Variants in BMAL2 observed in about 807,000 individuals in gnomAD.
BMAL2 encodes the protein basic helix-loop-helix ARNT-like protein 2.
the BMAL2 span, among the ~76,000 whole-genome samples, chr12:27,349,045 G>A: frequency 1.7e-4 from 26 of 152,308 alleles, no homozygotes; most frequent in African/African-American, 6.0e-4. Context: ...TATAAACTGA[G>A]TAAACCTGCT....
the BMAL2 span, among the ~76,000 whole-genome samples, chr12:27,420,019 G>GCGCGCGCGCGCACACACACACACACA: frequency 8.1e-5 from 12 of 147,476 alleles, no homozygotes; most frequent in African/African-American, 3.0e-4. Flanking sequence ...GTTTGCGCGT[G>GCGCGCGCGCGCACACACACACACACA]CACACACACA....
chr12:27,334,395 A>G, the BMAL2 span, among the ~76,000 whole-genome samples: 1 of 152,240 alleles, frequency 6.6e-6, no homozygotes, highest in East Asian at 1.9e-4. Flanking sequence ...ATATGAATGC[A>G]AATAAAATGC....
chr12:27,380,215 T>C, the BMAL2 span: 2 of 1,609,008 alleles, frequency 1.2e-6, no homozygotes, highest in Admixed American at 3.4e-5. Context: ...TGCTGAATGT[T>C]AAATATAAAG....
At chr12:27,371,677 C>T in the BMAL2 span, among the ~76,000 whole-genome samples, 17 of 151,900 alleles carry the variant, frequency 1.1e-4, no homozygotes, top group Admixed American at 1.1e-3. Flanking sequence ...GAATTCATTG[C>T]CTCTGCACTT....
At chr12:27,357,672 A>G in the BMAL2 span, among the ~76,000 whole-genome samples, 1 of 152,240 alleles carries the variant, frequency 6.6e-6, no homozygotes, top group Non-Finnish European at 1.5e-5. Context: ...AAATAGGCAC[A>G]CAAACCGAAG....
At chr12:27,369,584 AG>A in the BMAL2 span, among the ~76,000 whole-genome samples, 3 of 152,350 alleles carry the variant, frequency 2.0e-5, no homozygotes, top group East Asian at 5.8e-4. Flanking sequence ...ATTATCAGTC[AG>A]TAGCTCCCAC....
chr12:27,380,196 C>T, the BMAL2 span: 1 of 1,577,056 alleles, frequency 6.3e-7, no homozygotes, highest in Admixed American at 1.7e-5. Flanking sequence ...ACGGGGGTGA[C>T]TGGGGGTCTG....
At chr12:27,339,807 T>C in the BMAL2 span, among the ~76,000 whole-genome samples, 7 of 152,106 alleles carry the variant, frequency 4.6e-5, no homozygotes, top group South Asian at 1.5e-3. Context: ...TGGTATGAGG[T>C]GGTAATCTGA....
the BMAL2 span, among the ~76,000 whole-genome samples, chr12:27,387,653 T>C: frequency 2.6e-5 from 4 of 152,226 alleles, no homozygotes; most frequent in Non-Finnish European, 5.9e-5. Context: ...TTAGTCACCC[T>C]TCTCTGTTCC....
At chr12:27,382,966 C>T in the BMAL2 span, among the ~76,000 whole-genome samples, 5 of 152,196 alleles carry the variant, frequency 3.3e-5, no homozygotes, top group Middle Eastern at 3.2e-3. Context: ...CTAAATACTT[C>T]TTAAATTCTG....
the BMAL2 span, among the ~76,000 whole-genome samples, chr12:27,347,091 T>A: frequency 1.3e-5 from 2 of 152,124 alleles, no homozygotes; most frequent in Non-Finnish European, 2.9e-5. Context: ...ACTATTAGAA[T>A]CATGAGCCAA....
the BMAL2 span, among the ~76,000 whole-genome samples, chr12:27,343,132 A>G: frequency 6.6e-6 from 1 of 152,240 alleles, no homozygotes; most frequent in South Asian, 2.1e-4. Flanking sequence ...AGGGCATATT[A>G]TGCCGAGATC....
At chr12:27,340,116 T>A in the BMAL2 span, among the ~76,000 whole-genome samples, 1 of 152,222 alleles carries the variant, frequency 6.6e-6, no homozygotes, top group East Asian at 1.9e-4. Flanking sequence ...TAGATCCCAT[T>A]TGTCAATTTT....
chr12:27,338,912 C>G, the BMAL2 span, among the ~76,000 whole-genome samples: 2 of 152,194 alleles, frequency 1.3e-5, no homozygotes, highest in Non-Finnish European at 2.9e-5. Context: ...TGGGCCCCTT[C>G]TCTCTTTCAT....
At chr12:27,352,085 G>A in the BMAL2 span, among the ~76,000 whole-genome samples, 1 of 152,156 alleles carries the variant, frequency 6.6e-6, no homozygotes. Context: ...GGTTTACACT[G>A]CTGAAGCATT....
the BMAL2 span, chr12:27,401,375 T>A: frequency 6.3e-7 from 1 of 1,595,624 alleles, no homozygotes; most frequent in Non-Finnish European, 8.6e-7. Context: ...TAGGTATGCA[T>A]TGAGCAGAAT....
the BMAL2 span, among the ~76,000 whole-genome samples, chr12:27,410,676 C>T: frequency 2.0e-5 from 3 of 152,052 alleles, no homozygotes; most frequent in African/African-American, 7.2e-5. Flanking sequence ...AGCACACCAA[C>T]ATGTCACATG....
the BMAL2 span, among the ~76,000 whole-genome samples, chr12:27,410,305 TTG>T: frequency 1.3e-5 from 2 of 152,244 alleles, no homozygotes; most frequent in East Asian, 3.8e-4. Context: ...CGTATGTTTA[TTG>T]CAGCACTATT....
the BMAL2 span, among the ~76,000 whole-genome samples, chr12:27,343,881 C>T: frequency 5.9e-5 from 9 of 152,174 alleles, no homozygotes; most frequent in Non-Finnish European, 1.0e-4. Flanking sequence ...AGTGGTTTCC[C>T]TTGACTCCAG....
Sources: allele counts gnomAD v4.1 joint callset (sites outside exome capture counted in the v4.1 genomes callset), GRCh38; gene constraint gnomAD v4.1.1; transcripts MANE v1.5; gene names NCBI Gene and HGNC (gene_info 2026-07-23, HGNC 2026-07-21).